The following CCDC50 variants were observed in gnomAD, a reference collection of about 807,000 sequenced individuals.
The protein encoded by CCDC50 is coiled-coil domain containing 50, also known as coiled-coil domain-containing protein 50.
A neutral mutation model predicts 70.2 loss-of-function variants in CCDC50; 54 were observed. The ratio of observed to expected loss-of-function variants is 0.77; its 90% CI spans 0.62 to 0.96. The LOEUF is 0.96. Ranked by LOEUF, CCDC50 falls within the 50% of genes least tolerant of loss-of-function variation. The probability of loss-of-function intolerance (pLI) is 0.00; values close to 1 mark genes in which losing one functional copy is unlikely to be tolerated. For missense variants in CCDC50, 558 were observed against 578.7 expected (o/e 0.96, Z 0.37); for synonymous variants, 216 against 198.8 (o/e 1.09, Z -0.73).
chr3:191,385,723 C>T (rs987826201), intron 10 of CCDC50, among the ~76,000 whole-genome samples: 1 of 151,750 alleles, frequency 6.6e-6, no homozygotes, highest in South Asian at 2.1e-4. Context: ...AAATTATTTG[C>T]CTTGGCCAGT....
chr3:191,339,881 G>T (rs562548811), intron 1 of CCDC50, among the ~76,000 whole-genome samples: 35 of 152,178 alleles, frequency 2.3e-4, no homozygotes, highest in Non-Finnish European at 4.0e-4. Flanking sequence ...TGTGGTGAAA[G>T]ATACTATACA....
intron 10 of CCDC50, 77 bp downstream of exon 10, chr3:191,382,902 G>GTGTATGTTTTTGGA (rs1713369732): frequency 9.2e-7 from 1 of 1,091,376 alleles, no homozygotes; most frequent in Admixed American, 1.8e-5. Flanking sequence ...CCTAAGAAGA[G>GTGTATGTTTTTGGA]TGTATGTTTT....
rs1246124279 is a variant in CCDC50 at position 191,395,010 on chromosome 3, T to A, written c.*3250T>A. The A allele has an allele frequency of 6.6e-6, 1 of 152,170 alleles. No individual in the cohort carries two copies. The highest frequency in any genetic ancestry group is 2.4e-5 in the African/African-American group (1 of 41,448). The allele number at this position is 152,170 out of a possible 1,614,324, so 9.4% of individuals were successfully genotyped here. A position where few individuals can be genotyped will look rare whatever the true frequency, so the allele number is the denominator to read the frequency against. On this transcript the variant is annotated 3_prime_UTR_variant, in exon 12 of 12. Transcript: ENST00000392455. Reference sequence around the variant, plus strand: ...AAATGAAAATTAACCCTAGGTGTTCTGATGATAGAGAAATAGCTAAATTAG... The same window carrying A: ...AAATGAAAATTAACCCTAGGTGTTCAGATGATAGAGAAATAGCTAAATTAG...
chr3:191,380,279 G>T lies in CCDC50; in HGVS notation c.1092+5G>T. ...CTGCAAGAAGAAGAACTTTTGGTGA[G>T]CAAATTTTAAGGCAAAAGTTTAGAT... On this transcript the variant is annotated splice_donor_5th_base_variant and intron_variant, in intron 7 of 11. Transcript: ENST00000392455. 1 of 1,591,296 alleles carries T rather than the reference G, an allele frequency of 6.3e-7. No individual in the cohort carries two copies. The highest frequency in any genetic ancestry group is 1.3e-5 in the African/African-American group (1 of 74,414).
At chr3:191,374,625 A>T (rs993862404) in intron 5 of CCDC50, among the ~76,000 whole-genome samples, 3 of 152,194 alleles carry the variant, frequency 2.0e-5, no homozygotes, top group Non-Finnish European at 4.4e-5. Flanking sequence ...CATTTCCAGT[A>T]AGAATATTTG....
chr3:191,390,477 A>G (rs145732097), intron 11 of CCDC50, among the ~76,000 whole-genome samples: 95 of 38,710 alleles, frequency 2.5e-3, no homozygotes, highest in African/African-American at 8.0e-3. Flanking sequence ...ATTTGATTAT[A>G]TGCTGATTAA....
rs1394266967 is a variant in CCDC50, at chr3:191,394,748, A to AC, written c.*2988_*2989insC. On this transcript the variant is annotated 3_prime_UTR_variant, in exon 12 of 12. Coordinates refer to ENST00000392455, the MANE Select transcript of CCDC50 (RefSeq NM_178335.3). Reference sequence around the variant, plus strand: ...AATCATTGTTTGGAAGTAAAGTTAGATAAGAGTCAAATTAAATGTTTTGAC... The same window carrying AC: ...AATCATTGTTTGGAAGTAAAGTTAGACTAAGAGTCAAATTAAATGTTTTGAC... 7.2e-5 allele frequency: 11 copies of AC among 152,198 alleles called. No homozygotes were observed. The highest frequency in any genetic ancestry group is 1.3e-4 in the Non-Finnish European group (9 of 68,010). The allele number at this position is 152,198 out of a possible 1,614,324, so 9.4% of individuals were successfully genotyped here.
intron 6 of CCDC50, among the ~76,000 whole-genome samples, chr3:191,376,120 A>G (rs1050703501): frequency 3.9e-5 from 6 of 152,176 alleles, no homozygotes; most frequent in Non-Finnish European, 7.4e-5. Flanking sequence ...GTTCATTTTC[A>G]TCAGAATCAG....
At chr3:191,368,392 A>C (rs554676945) in intron 4 of CCDC50, among the ~76,000 whole-genome samples, 1 of 152,186 alleles carries the variant, frequency 6.6e-6, no homozygotes, top group South Asian at 2.1e-4. Flanking sequence ...TATCAAAAAA[A>C]TACGTATATA....
chr3:191,363,824 A>T (rs1359479405), intron 4 of CCDC50, among the ~76,000 whole-genome samples: 1 of 152,192 alleles, frequency 6.6e-6, no homozygotes, highest in Non-Finnish European at 1.5e-5. Context: ...TCAGATGAGA[A>T]GATGGCTACT....
At chr3:191,384,454 T>TTAGC (rs35382911) in intron 10 of CCDC50, among the ~76,000 whole-genome samples, 63,732 of 151,544 alleles carry the variant, frequency 0.42, 15,020 homozygotes, top group Non-Finnish European at 0.53. Flanking sequence ...ATGGAAAAGT[T>TTAGC]TAGCTATACA....
chr3:191,392,134 T>G lies in CCDC50; in HGVS notation c.*374T>G, dbSNP rs1713715203. The G allele has an allele frequency of 5.1e-6, 1 of 197,386 alleles. No homozygotes were observed. The highest frequency in any genetic ancestry group is 1.2e-4 in the South Asian group (1 of 8,622). 12.2% of individuals were successfully genotyped at this position (197,386 alleles called of 1,614,324 possible). ...TGATCAAAGTGAAACAATGTTTGGA[T>G]GCAACGCAGAATAAAAGAATATAAG... On this transcript the variant is annotated 3_prime_UTR_variant, in exon 12 of 12. Transcript: ENST00000392455.
At chr3:191,355,037 A>T (rs1049617494) in intron 1 of CCDC50, among the ~76,000 whole-genome samples, 1 of 152,128 alleles carries the variant, frequency 6.6e-6, no homozygotes, top group Non-Finnish European at 1.5e-5. Context: ...ACTCAGGGCT[A>T]TGAGAGCCAA....
intron 3 of CCDC50, among the ~76,000 whole-genome samples, chr3:191,360,379 G>A (rs1260309054): frequency 6.6e-6 from 1 of 152,090 alleles, no homozygotes; most frequent in African/African-American, 2.4e-5. Flanking sequence ...CCTTCTCTAC[G>A]GTGCTTCTAC....
Position 191,351,216 on chromosome 3 carries a change from CAG to C in CCDC50, c.50-5869_50-5868del, listed in dbSNP as rs1305892100. On this transcript the variant is annotated intron_variant, in intron 1 of 11. Transcript: ENST00000392455. Reference sequence around the variant, plus strand: ...TGAAATACGTTTTATGAAAAATGCTCAGAGTTTACTTATTTCTTTGTTGGTGA... The same window carrying C: ...TGAAATACGTTTTATGAAAAATGCTCAGTTTACTTATTTCTTTGTTGGTGA... Among the ~76,000 whole-genome samples the C allele has an allele frequency of 1.1e-4, 16 of 141,710 alleles. 3 individuals are homozygous for C. Among genetic ancestry groups the C allele is most frequent in the South Asian group, 6.6e-4 (3 of 4,524 alleles). 93.0% of individuals were successfully genotyped at this position (141,710 alleles called of 152,430 possible).
chr3:191,355,941 GT>G (rs923794633), intron 1 of CCDC50, among the ~76,000 whole-genome samples: 42 of 152,164 alleles, frequency 2.8e-4, no homozygotes, highest in Admixed American at 1.3e-3. Flanking sequence ...CTAATGTTGA[GT>G]GTATATGTGA....
At chr3:191,338,935 G>T (rs1345694159) in intron 1 of CCDC50, among the ~76,000 whole-genome samples, 1 of 152,104 alleles carries the variant, frequency 6.6e-6, no homozygotes, top group African/African-American at 2.4e-5. Context: ...TGTTACTAGA[G>T]TATTCAGTTA....
intron 10 of CCDC50, among the ~76,000 whole-genome samples, chr3:191,388,931 T>G (rs990430691): frequency 6.6e-6 from 1 of 151,928 alleles, no homozygotes; most frequent in Non-Finnish European, 1.5e-5. Flanking sequence ...TCTTTTTTTT[T>G]TTTTTTACAT....
Position 191,380,906 on chromosome 3 carries a change from A to G in CCDC50, c.1216A>G (p.Lys406Glu), listed in dbSNP as rs145988140. The change falls in exon 9 of 12, where the codon AAA (lysine) becomes GAA (glutamate). Residue 406 changes from lysine to glutamate, a missense_variant. Physicochemically the swap from Lys to Glu is moderately conservative, Grantham distance 56. Coordinates refer to ENST00000392455, the MANE Select transcript of CCDC50 (RefSeq NM_178335.3). Reference sequence around the variant, plus strand: ...GGAGCGGGAGAAATCATCTTTGGACAAAAGAAAGCAAGACCCCGAGTGGAA... The same window carrying G: ...GGAGCGGGAGAAATCATCTTTGGACGAAAGAAAGCAAGACCCCGAGTGGAA... ...AKEREKSSLDKRKQDPEWKPK... is the reference protein window; with the variant it reads ...AKEREKSSLDERKQDPEWKPK... The G allele has an allele frequency of 5.0e-6, 8 of 1,612,666 alleles. No individual in the cohort carries two copies. In the African/African-American group the frequency reaches 1.1e-4, roughly 22 times the overall value.
Sources: allele counts gnomAD v4.1 joint callset (sites outside exome capture counted in the v4.1 genomes callset), GRCh38; gene constraint gnomAD v4.1.1; transcripts MANE v1.5; gene names NCBI Gene and HGNC (gene_info 2026-07-23, HGNC 2026-07-21).